The following KALRN variants were observed in gnomAD, a reference collection of about 807,000 sequenced individuals.
KALRN encodes the protein kalirin RhoGEF kinase, also known as kalirin.
KALRN carries 70 observed loss-of-function variants against 353.7 expected under a neutral mutation model. The observed-to-expected ratio is 0.20, with a 90% CI of 0.16 to 0.24. The LOEUF is 0.24. KALRN is among the 10% of genes least tolerant of loss of function. The probability of loss-of-function intolerance (pLI) is 1.00; values close to 1 mark genes in which losing one functional copy is unlikely to be tolerated. For missense variants in KALRN, 2,791 were observed against 3,756.7 expected (o/e 0.74, Z 6.72); for synonymous variants, 1,391 against 1,434.8 (o/e 0.97, Z 0.69).
chr3:124,240,215 A>T (rs986358575), intron 3 of KALRN, among the ~76,000 whole-genome samples: 9 of 152,190 alleles, frequency 5.9e-5, no homozygotes, highest in Admixed American at 3.9e-4. Context: ...ATCGTTAGTA[A>T]TCACCTTCCT....
In KALRN at chr3:124,154,633, C is replaced by T. The variant is rs183499185; in HGVS notation, c.74-73357C>T. On this transcript the variant is annotated intron_variant, in intron 1 of 59. Transcript: ENST00000682506. The stretch of plus-strand genomic sequence containing the variant: ...AAGAGGATACAAGCAAATGGAAGAA[C>T]ATTCCATGCTCATGGGTAGGAAGAA... 6.0e-3 allele frequency among the ~76,000 whole-genome samples: 913 copies of T among 152,278 alleles called. 12 individuals are homozygous for T. The highest frequency in any genetic ancestry group is 6.9e-3 in the Non-Finnish European group (467 of 68,026).
At chr3:124,099,414 T>G (rs2149416145) in intron 1 of KALRN, 1 of 152,332 alleles carries the variant, frequency 6.6e-6, no homozygotes, top group South Asian at 2.1e-4. Context: ...GTGAGTAGTA[T>G]TCCATTGTGT....
chr3:124,591,286 C>T lies in KALRN; in HGVS notation c.5182+28197C>T, dbSNP rs2075746196. Among the ~76,000 whole-genome samples the T allele has an allele frequency of 3.3e-5, 5 of 152,282 alleles. No homozygotes were observed. The South Asian group carries it at 1.0e-3, about 32-fold the overall frequency. On this transcript the variant is annotated intron_variant, in intron 34 of 59. Transcript: ENST00000682506. Reference sequence around the variant, plus strand: ...ACTTAATTCAGGTCCCTTTTCCCCGCCCTTTTTTGTCCTTGTTCTTTCCTT... The same window carrying T: ...ACTTAATTCAGGTCCCTTTTCCCCGTCCTTTTTTGTCCTTGTTCTTTCCTT...
Position 124,110,849 on chromosome 3 carries a change from A to G in KALRN, c.73+77036A>G, listed in dbSNP as rs1219451477. ...GCCTAGCTTAGAGTGAATGTTGTTT[A>G]TCAAAGTCTTCTGGGGCAGAGGCCC... On this transcript the variant is annotated intron_variant, in intron 1 of 59. Transcript: ENST00000682506. Among the ~76,000 whole-genome samples, 4 of 152,140 alleles carry G rather than the reference A, an allele frequency of 2.6e-5. No homozygotes were observed. In the East Asian group the frequency reaches 7.7e-4, roughly 29 times the overall value.
intron 1 of KALRN, among the ~76,000 whole-genome samples, chr3:124,177,250 T>C (rs2072910039): frequency 6.6e-6 from 1 of 152,210 alleles, no homozygotes. Flanking sequence ...AGAACAGGCC[T>C]GCCATTTCTC....
At chr3:124,162,235 T>C (rs948314321) in intron 1 of KALRN, 4 of 152,142 alleles carry the variant, frequency 2.6e-5, no homozygotes, top group African/African-American at 9.7e-5. Context: ...CCAGTCTTCC[T>C]AATGAGGCAT....
intron 33 of KALRN, among the ~76,000 whole-genome samples, chr3:124,511,339 C>G (rs887781827): frequency 1.3e-5 from 2 of 152,164 alleles, no homozygotes; most frequent in African/African-American, 4.8e-5. Flanking sequence ...CTCTTGCATT[C>G]TACTCGACAG....
chr3:124,200,232 C>T (rs1409234630), intron 1 of KALRN, among the ~76,000 whole-genome samples: 3 of 152,202 alleles, frequency 2.0e-5, no homozygotes, highest in African/African-American at 7.2e-5. Flanking sequence ...CTTTCTGAGC[C>T]TCTCCCTCAA....
At chr3:124,602,022 T>C (rs567007134) in intron 34 of KALRN, among the ~76,000 whole-genome samples, 1 of 79,416 alleles carries the variant, frequency 1.3e-5, no homozygotes, top group African/African-American at 6.9e-5. Context: ...CAAGACTCTG[T>C]CTCAAAAAAA....
In KALRN at chr3:124,491,393, C is replaced by A; in HGVS notation, c.4658C>A (p.Thr1553Asn). The A allele has an allele frequency of 6.2e-7, 1 of 1,609,666 alleles. No homozygotes were observed. Among genetic ancestry groups the A allele is most frequent in the Non-Finnish European group, 8.5e-7 (1 of 1,177,632 alleles). ...PCKFALWSGRTPSSDNKTVLK... is the reference protein window; with the variant it reads ...PCKFALWSGRNPSSDNKTVLK... Reference sequence around the variant, plus strand: ...AAATTCGCCTTGTGGTCTGGGCGCACCCCATCCTCAGACAATAAAACAGTG... The same window carrying A: ...AAATTCGCCTTGTGGTCTGGGCGCAACCCATCCTCAGACAATAAAACAGTG... Residue 1553 changes from threonine to asparagine, a missense_variant, in exon 31 of 60, where the codon ACC becomes AAC. Thr to Asn is a moderately conservative substitution (Grantham distance 65). Around this residue, in one of 11 missense-constraint regions of KALRN, gnomAD observed 239 missense variants for 351.3 expected, o/e 0.68. Coordinates refer to ENST00000682506, the MANE Select transcript of KALRN (RefSeq NM_001388419.1).
intron 10 of KALRN, among the ~76,000 whole-genome samples, chr3:124,381,585 C>A (rs2087388310): frequency 6.6e-6 from 1 of 152,142 alleles, no homozygotes; most frequent in African/African-American, 2.4e-5. Flanking sequence ...TCCCACCTGT[C>A]TTTATTGTTC....
At chr3:124,473,314 A>G (rs891302576) in intron 25 of KALRN, among the ~76,000 whole-genome samples, 4 of 152,212 alleles carry the variant, frequency 2.6e-5, no homozygotes, top group African/African-American at 4.8e-5. Context: ...ACCACTTTAT[A>G]TCGTGTATCC....
chr3:124,345,773 G>A (rs1039162263), intron 9 of KALRN, among the ~76,000 whole-genome samples: 3 of 151,984 alleles, frequency 2.0e-5, no homozygotes, highest in Non-Finnish European at 4.4e-5. Flanking sequence ...GCACAATCAC[G>A]ATGTGGGCTT....
chr3:124,477,388 C>A (rs2061526311), intron 27 of KALRN, 54 bp downstream of exon 27: 2 of 1,313,432 alleles, frequency 1.5e-6, no homozygotes, highest in South Asian at 1.2e-5. Context: ...AAATGCTTCT[C>A]TGCTTTGGCA....
At chr3:124,242,162 G>A (rs2080537917) in intron 3 of KALRN, among the ~76,000 whole-genome samples, 1 of 152,218 alleles carries the variant, frequency 6.6e-6, no homozygotes, top group Non-Finnish European at 1.5e-5. Flanking sequence ...AGTGGAAGAT[G>A]AAATGGAAGA....
intron 34 of KALRN, among the ~76,000 whole-genome samples, chr3:124,623,240 TTGCTGGGATTACAATCCCAAAG>T (rs1455387786): frequency 1.1e-4 from 17 of 151,846 alleles, no homozygotes; most frequent in African/African-American, 3.6e-4. Flanking sequence ...CTGCCTCGGA[TTGCTGGGATTACAATCCCAAAG>T]TGCTGGGATT....
At chr3:124,714,073 GAA>G (rs34464742) in intron 58 of KALRN, among the ~76,000 whole-genome samples, 24 of 143,338 alleles carry the variant, frequency 1.7e-4, no homozygotes, top group Admixed American at 5.5e-4. Flanking sequence ...AAATCAGCTG[GAA>G]AAAAAAAAAA....
At chr3:124,158,133 G>T (rs1463911207) in intron 1 of KALRN, among the ~76,000 whole-genome samples, 1 of 152,198 alleles carries the variant, frequency 6.6e-6, no homozygotes, top group Admixed American at 6.5e-5. Flanking sequence ...CTCAGGGTTT[G>T]TTTCTGCCTG....
chr3:124,228,416 G>A (rs1373438802), intron 2 of KALRN, among the ~76,000 whole-genome samples: 1 of 152,228 alleles, frequency 6.6e-6, no homozygotes, highest in African/African-American at 2.4e-5. Context: ...AGGGACGGGA[G>A]ATTTTTAAAG....
Sources: allele counts gnomAD v4.1 joint callset (sites outside exome capture counted in the v4.1 genomes callset), GRCh38; gene constraint gnomAD v4.1.1; regional missense constraint gnomAD v4.1.1; transcripts MANE v1.5; gene names NCBI Gene and HGNC (gene_info 2026-07-23, HGNC 2026-07-21).